The following COL8A1 variants were observed in gnomAD, a reference collection of about 807,000 sequenced individuals.
COL8A1 encodes collagen alpha-1(VIII) chain.
Under a neutral mutation model 42.7 loss-of-function variants are expected in COL8A1, and 21 were observed. The observed-to-expected ratio is 0.49, with a 90% CI of 0.35 to 0.71. The LOEUF (loss-of-function observed/expected upper bound fraction) is 0.71, where lower values mean the gene tolerates loss of function less well. Among genes scored for constraint, COL8A1 ranks in the 30% least tolerant of loss-of-function variants. The probability of loss-of-function intolerance (pLI) is 0.01; values close to 1 mark genes in which losing one functional copy is unlikely to be tolerated. For synonymous variants in COL8A1, 367 were observed against 369.1 expected (o/e 0.99, Z 0.06); for missense variants, 788 against 962.4 (o/e 0.82, Z 2.40).
chr3:99,719,761 G>A (rs895708060), intron 1 of COL8A1, among the ~76,000 whole-genome samples: 27 of 152,190 alleles, frequency 1.8e-4, no homozygotes, highest in African/African-American at 6.5e-4. Flanking sequence ...TGAAGTGAGA[G>A]GTGAAGAGAG....
intron 3 of COL8A1, among the ~76,000 whole-genome samples, chr3:99,792,851 T>G (rs1942026886): frequency 6.6e-6 from 1 of 152,218 alleles, no homozygotes; most frequent in Non-Finnish European, 1.5e-5. Context: ...CCACAGCACC[T>G]TCAAGAAATT....
chr3:99,732,627 T>C lies in COL8A1; in HGVS notation c.-128-12270T>C, dbSNP rs532537462. 1.3e-3 allele frequency among the ~76,000 whole-genome samples: 203 copies of C among 152,174 alleles called. 1 individual carries two copies. The highest frequency in any genetic ancestry group is 4.7e-3 in the African/African-American group (194 of 41,528). On this transcript the variant is annotated intron_variant, in intron 1 of 3. Coordinates refer to ENST00000652472, the MANE Select transcript of COL8A1 (RefSeq NM_020351.4). Reference sequence around the variant, plus strand: ...TGACACATGGGGATTACGGGAACTATAATTCAAGATGAGATTTGGGTGGGG... The same window carrying C: ...TGACACATGGGGATTACGGGAACTACAATTCAAGATGAGATTTGGGTGGGG...
At chr3:99,783,554 A>G (rs1187037164) in intron 2 of COL8A1, among the ~76,000 whole-genome samples, 1 of 152,202 alleles carries the variant, frequency 6.6e-6, no homozygotes, top group African/African-American at 2.4e-5. Flanking sequence ...TTGGGCTATT[A>G]GTCCATTTTC....
intron 1 of COL8A1, among the ~76,000 whole-genome samples, chr3:99,741,691 G>A (rs1940904609): frequency 6.6e-6 from 1 of 152,172 alleles, no homozygotes; most frequent in East Asian, 1.9e-4. Flanking sequence ...CTCCTGCGTA[G>A]TGGTCTCTAG....
rs180802042 is a variant in COL8A1, at chr3:99,783,174, G to T, written c.-3-7506G>T. ...AAATCTAATGTGAAATCCTACAATTGGTTACTAGGGAATGTTGTAAAATCT... is the reference window on the plus strand; with the variant it reads ...AAATCTAATGTGAAATCCTACAATTTGTTACTAGGGAATGTTGTAAAATCT... On this transcript the variant is annotated intron_variant, in intron 2 of 3. Coordinates refer to ENST00000652472, the MANE Select transcript of COL8A1 (RefSeq NM_020351.4). Among the ~76,000 whole-genome samples, 13 of 152,260 alleles carry T rather than the reference G, an allele frequency of 8.5e-5. No homozygotes were observed. The East Asian group carries it at 9.6e-4, about 11-fold the overall frequency.
chr3:99,701,557 T>TA (rs1311945999), intron 1 of COL8A1, among the ~76,000 whole-genome samples: 3 of 152,140 alleles, frequency 2.0e-5, no homozygotes, highest in Non-Finnish European at 4.4e-5. Context: ...AAATGGAAAT[T>TA]AGAGTAAGCA....
chr3:99,691,406 T>A (rs1939214953), intron 1 of COL8A1: 1 of 152,036 alleles, frequency 6.6e-6, no homozygotes, highest in Admixed American at 6.5e-5. Flanking sequence ...TAGGATCCAG[T>A]TTCACCTATG....
At chr3:99,640,458 G>A (rs1341645245) in intron 1 of COL8A1, among the ~76,000 whole-genome samples, 1 of 152,192 alleles carries the variant, frequency 6.6e-6, no homozygotes, top group African/African-American at 2.4e-5. Context: ...AGATCCCCTT[G>A]AGGGAAGTTA....
At chr3:99,658,713 C>T (rs1176691947) in intron 1 of COL8A1, among the ~76,000 whole-genome samples, 1 of 152,158 alleles carries the variant, frequency 6.6e-6, no homozygotes. Context: ...AACCAAGGGT[C>T]TAGGAAAAGT....
At chr3:99,658,601 C>A (rs922363258) in intron 1 of COL8A1, among the ~76,000 whole-genome samples, 4 of 152,144 alleles carry the variant, frequency 2.6e-5, no homozygotes, top group African/African-American at 9.7e-5. Flanking sequence ...AGCCTGAAAC[C>A]AAGTGCAGGT....
chr3:99,768,494 G>T (rs1200389609), intron 2 of COL8A1, among the ~76,000 whole-genome samples: 1 of 152,228 alleles, frequency 6.6e-6, no homozygotes, highest in Non-Finnish European at 1.5e-5. Context: ...AGAGCATGGG[G>T]TAAGTGATTT....
At chr3:99,664,550 C>A in intron 1 of COL8A1, among the ~76,000 whole-genome samples, 1 of 151,998 alleles carries the variant, frequency 6.6e-6, no homozygotes, top group South Asian at 2.1e-4. Flanking sequence ...TCTCTCCCAC[C>A]AACAGCTATA....
intron 1 of COL8A1, chr3:99,703,547 A>G (rs1323841378): frequency 6.6e-6 from 1 of 152,254 alleles, no homozygotes; most frequent in Non-Finnish European, 1.5e-5. Context: ...ATTATTTCAC[A>G]GACCATGTTG....
chr3:99,785,801 GC>G (rs1032686556), intron 2 of COL8A1, among the ~76,000 whole-genome samples: 2 of 151,958 alleles, frequency 1.3e-5, no homozygotes, highest in Admixed American at 1.3e-4. Flanking sequence ...ATCCAACTCT[GC>G]CAATATCTTG....
In COL8A1 at chr3:99,796,011, G is replaced by A. The variant is rs768709521; in HGVS notation, c.2110G>A (p.Ala704Thr). 10 of 1,613,960 alleles carry A rather than the reference G, an allele frequency of 6.2e-6. No individual in the cohort carries two copies. Among genetic ancestry groups the A allele is most frequent in the Non-Finnish European group, 7.6e-6 (9 of 1,179,980 alleles). ...CTTCCTGGACCAGGCATCTGGGAGT[G>A]CAGTGCTGCTGCTCAGGCCCGGAGA... ...KGFLDQASGS[A>T]VLLLRPGDRV... Residue 704 changes from alanine to threonine, a missense_variant, in exon 4 of 4, where the codon GCA becomes ACA. Coordinates refer to ENST00000652472, the MANE Select transcript of COL8A1 (RefSeq NM_020351.4).
At chr3:99,703,036 AG>A (rs943637798) in intron 1 of COL8A1, among the ~76,000 whole-genome samples, 1 of 152,196 alleles carries the variant, frequency 6.6e-6, no homozygotes, top group Non-Finnish European at 1.5e-5. Flanking sequence ...TTAGTAAGCA[AG>A]GGGGAAGAAT....
rs568401097 is a variant in COL8A1 at position 99,796,465 on chromosome 3, G to T, written c.*329G>T. 5.1e-6 allele frequency: 1 copy of T among 197,328 alleles called. No individual in the cohort carries two copies. Among genetic ancestry groups the T allele is most frequent in the Non-Finnish European group, 1.0e-5 (1 of 98,218 alleles). 12.2% of individuals were successfully genotyped at this position (197,328 alleles called of 1,614,324 possible). On this transcript the variant is annotated 3_prime_UTR_variant, in exon 4 of 4. Coordinates refer to ENST00000652472, the MANE Select transcript of COL8A1 (RefSeq NM_020351.4). ...CAGATCAGTCAAAATATATCAGTAT[G>T]AAAGATCATAGCTAATGAAAGGCAC...
chr3:99,672,382 TCTC>T (rs1035588740), intron 1 of COL8A1, among the ~76,000 whole-genome samples: 78 of 152,158 alleles, frequency 5.1e-4, no homozygotes, highest in Middle Eastern at 6.8e-3. Flanking sequence ...TTTTCTAACT[TCTC>T]CTGTATTTTC....
chr3:99,659,610 C>A (rs908611642), intron 1 of COL8A1, among the ~76,000 whole-genome samples: 1 of 152,076 alleles, frequency 6.6e-6, no homozygotes, highest in African/African-American at 2.4e-5. Flanking sequence ...CTCACAAAAG[C>A]ATCTAGAAAG....
Sources: gnomAD v4.1 joint callset for allele counts (sites outside exome capture counted in the v4.1 genomes callset) on GRCh38, gnomAD v4.1.1 for gene constraint, MANE v1.5 for transcripts, NCBI Gene and HGNC (gene_info 2026-07-23, HGNC 2026-07-21) for gene names.